The following SLC10A7 variants were observed in gnomAD, a reference collection of about 807,000 sequenced individuals.
The protein encoded by SLC10A7 is sodium/bile acid cotransporter 7.
A neutral mutation model predicts 43.2 loss-of-function variants in SLC10A7; 29 were observed. That is an observed-to-expected ratio of 0.67 (90% CI 0.50 to 0.92). The LOEUF (loss-of-function observed/expected upper bound fraction) is 0.92, where lower values mean the gene tolerates loss of function less well. SLC10A7 is among the 40% of genes least tolerant of loss of function. The probability of loss-of-function intolerance (pLI) is 0.00; values close to 1 mark genes in which losing one functional copy is unlikely to be tolerated. For synonymous variants in SLC10A7, 152 were observed against 144.8 expected (o/e 1.05, Z -0.35); for missense variants, 295 against 403.2 (o/e 0.73, Z 2.30).
chr4:146,276,728 T>C (rs1341510070), intron 10 of SLC10A7, among the ~76,000 whole-genome samples: 1 of 152,078 alleles, frequency 6.6e-6, no homozygotes, highest in Non-Finnish European at 1.5e-5. Flanking sequence ...GGTGGGAGGA[T>C]TGCTTGAGGC....
chr4:146,401,975 A>G (rs1235644655), intron 5 of SLC10A7, among the ~76,000 whole-genome samples: 1 of 152,194 alleles, frequency 6.6e-6, no homozygotes, highest in Non-Finnish European at 1.5e-5. Context: ...AAAAATTTAC[A>G]TCTATACCAC....
At position 146,256,334 on chromosome 4, in the gene SLC10A7, T is replaced by A. The variant is rs893332117; in HGVS notation, c.*157A>T. On this transcript the variant is annotated 3_prime_UTR_variant, in exon 12 of 12. Transcript: ENST00000335472. Reference sequence around the variant, plus strand: ...GCATATTTTGGAAATAACGCTCTTGTCAAATACATTTTAAGGCACTTAAAC... The same window carrying A: ...GCATATTTTGGAAATAACGCTCTTGACAAATACATTTTAAGGCACTTAAAC... The A allele has an allele frequency of 3.0e-5, 20 of 677,184 alleles. 1 individual carries two copies. Among genetic ancestry groups the A allele is most frequent in the Non-Finnish European group, 5.1e-5 (20 of 395,948 alleles). The allele number at this position is 677,184 out of a possible 1,614,324, so 41.9% of individuals were successfully genotyped here. A position where few individuals can be genotyped will look rare whatever the true frequency, so the allele number is the denominator to read the frequency against.
chr4:146,507,829 T>C (rs1277950220), intron 3 of SLC10A7, among the ~76,000 whole-genome samples: 1 of 152,164 alleles, frequency 6.6e-6, no homozygotes, highest in Non-Finnish European at 1.5e-5. Context: ...TACTTTCAAA[T>C]TAGGGAGGGG....
intron 5 of SLC10A7, among the ~76,000 whole-genome samples, chr4:146,430,131 A>T (rs1026311693): frequency 6.6e-6 from 1 of 152,094 alleles, no homozygotes; most frequent in Middle Eastern, 3.2e-3. Context: ...AGAAAAAAAA[A>T]TAGTTAAACT....
intron 9 of SLC10A7, among the ~76,000 whole-genome samples, chr4:146,284,421 C>A (rs537766332): frequency 1.7e-4 from 26 of 152,212 alleles, no homozygotes; most frequent in Non-Finnish European, 2.2e-4. Flanking sequence ...TTGTTGTATA[C>A]CCACAGGAGG....
At chr4:146,278,295 T>C (rs2111091587) in intron 10 of SLC10A7, among the ~76,000 whole-genome samples, 1 of 152,274 alleles carries the variant, frequency 6.6e-6, no homozygotes, top group Middle Eastern at 3.4e-3. Context: ...TTTAGACCAA[T>C]TGTAGAGTAG....
At chr4:146,431,878 C>T (rs115756403) in intron 5 of SLC10A7, among the ~76,000 whole-genome samples, 2,266 of 152,184 alleles carry the variant, frequency 0.015, 26 homozygotes, top group Non-Finnish European at 0.021. Context: ...ACAAAAATCA[C>T]TTACATAATA....
intron 8 of SLC10A7, among the ~76,000 whole-genome samples, chr4:146,293,434 T>C (rs1488844279): frequency 6.6e-6 from 1 of 152,216 alleles, no homozygotes; most frequent in Non-Finnish European, 1.5e-5. Context: ...CTGCATTTTA[T>C]AGTCTGCTGC....
intron 9 of SLC10A7, among the ~76,000 whole-genome samples, chr4:146,287,542 T>C (rs1730117831): frequency 6.6e-6 from 1 of 152,156 alleles, no homozygotes; most frequent in African/African-American, 2.4e-5. Flanking sequence ...TGAGCCAACT[T>C]TGAGTTAATT....
intron 6 of SLC10A7, among the ~76,000 whole-genome samples, chr4:146,317,865 C>A (rs1205862959): frequency 6.6e-6 from 1 of 151,988 alleles, no homozygotes; most frequent in Non-Finnish European, 1.5e-5. Flanking sequence ...GATTCTCAGT[C>A]CTTTGGCCTT....
At chr4:146,297,682 A>C (rs1560774864) in intron 7 of SLC10A7, among the ~76,000 whole-genome samples, 1 of 152,324 alleles carries the variant, frequency 6.6e-6, no homozygotes, top group East Asian at 1.9e-4. Flanking sequence ...ATAGTTTCAT[A>C]AAGTTTTGTT....
chr4:146,297,174 C>A (rs1004766634), intron 7 of SLC10A7, among the ~76,000 whole-genome samples: 2 of 152,060 alleles, frequency 1.3e-5, no homozygotes, highest in Non-Finnish European at 2.9e-5. Context: ...TGTAGGCGTT[C>A]AAAATTAAGT....
chr4:146,383,125 TGACTTCTTTAAATA>T (rs796909423), intron 5 of SLC10A7, among the ~76,000 whole-genome samples: 22 of 152,302 alleles, frequency 1.4e-4, no homozygotes, highest in African/African-American at 5.3e-4. Context: ...ATTGTTACCT[TGACTTCTTTAAATA>T]GACCAGATTA....
intron 5 of SLC10A7, among the ~76,000 whole-genome samples, chr4:146,391,343 A>C (rs1377620085): frequency 2.0e-5 from 3 of 152,206 alleles, no homozygotes; most frequent in Non-Finnish European, 4.4e-5. Flanking sequence ...GGTGCAAATC[A>C]ATGTCTCTAA....
intron 4 of SLC10A7, among the ~76,000 whole-genome samples, chr4:146,458,703 G>A (rs888623600): frequency 5.3e-5 from 8 of 151,702 alleles, no homozygotes; most frequent in African/African-American, 9.7e-5. Context: ...CAACTTCCTC[G>A]TTTTTACTAT....
chr4:146,383,056 T>C (rs1307363394), intron 5 of SLC10A7, among the ~76,000 whole-genome samples: 1 of 152,080 alleles, frequency 6.6e-6, no homozygotes, highest in Non-Finnish European at 1.5e-5. Context: ...GAAAGCTCGA[T>C]TTGTCTCCTT....
intron 5 of SLC10A7, among the ~76,000 whole-genome samples, chr4:146,355,561 A>G (rs1334192934): frequency 6.6e-6 from 1 of 151,686 alleles, no homozygotes; most frequent in Non-Finnish European, 1.5e-5. Flanking sequence ...ATGACTATAA[A>G]TCATGCTGCT....
intron 5 of SLC10A7, among the ~76,000 whole-genome samples, chr4:146,327,591 T>C (rs1199471775): frequency 1.3e-5 from 2 of 152,212 alleles, no homozygotes; most frequent in South Asian, 2.1e-4. Flanking sequence ...TGTTTAAACA[T>C]ATAATTAAAC....
intron 10 of SLC10A7, among the ~76,000 whole-genome samples, chr4:146,276,094 G>C (rs781188912): frequency 7.9e-5 from 12 of 152,166 alleles, no homozygotes; most frequent in Non-Finnish European, 1.6e-4. Context: ...CAAGTGGGAA[G>C]TCTCTCTCAA....
Sources: allele counts gnomAD v4.1 joint callset (sites outside exome capture counted in the v4.1 genomes callset), GRCh38; gene constraint gnomAD v4.1.1; transcripts MANE v1.5; gene names NCBI Gene and HGNC (gene_info 2026-07-23, HGNC 2026-07-21).